ZFAT: variants seen among roughly 807,000 people sequenced by gnomAD.
ZFAT encodes the protein zinc finger protein ZFAT.
A neutral mutation model predicts 117.7 loss-of-function variants in ZFAT; 64 were observed. The ratio of observed to expected loss-of-function variants is 0.54; its 90% CI spans 0.44 to 0.67. ZFAT has a LOEUF of 0.67. Ranked by LOEUF, ZFAT falls within the 30% of genes least tolerant of loss-of-function variation. The pLI is 0.00. For synonymous variants in ZFAT, 679 were observed against 615.0 expected (o/e 1.10, Z -1.54); for missense variants, 1,433 against 1,584.5 (o/e 0.90, Z 1.62).
chr8:134,580,077 G>A (rs928256202), intron 10 of ZFAT, among the ~76,000 whole-genome samples: 4 of 152,000 alleles, frequency 2.6e-5, no homozygotes, highest in Non-Finnish European at 4.4e-5. Context: ...GAGAGCAGGA[G>A]GCCGCCAGGC....
At chr8:134,566,811 G>A (rs1348334538) in intron 10 of ZFAT, among the ~76,000 whole-genome samples, 1 of 152,170 alleles carries the variant, frequency 6.6e-6, no homozygotes, top group Non-Finnish European at 1.5e-5. Context: ...CTGGATGACT[G>A]TACTGCATGT....
chr8:134,664,080 A>T (rs1333786711), intron 1 of ZFAT, among the ~76,000 whole-genome samples: 2 of 152,124 alleles, frequency 1.3e-5, no homozygotes, highest in African/African-American at 2.4e-5. Flanking sequence ...CCTGCACAGG[A>T]GGTCATGGAA....
chr8:134,638,560 C>CAAAAAAAAAAAAAAA (rs1563711719), intron 2 of ZFAT, among the ~76,000 whole-genome samples: 6 of 63,012 alleles, frequency 9.5e-5, no homozygotes, highest in African/African-American at 3.8e-4. Flanking sequence ...AAAAAAAAAA[C>CAAAAAAAAAAAAAAA]AAAACAAAAA....
At chr8:134,806,261 T>C in the ZFAT span, among the ~76,000 whole-genome samples, 4 of 152,196 alleles carry the variant, frequency 2.6e-5, no homozygotes, top group East Asian at 7.7e-4. Flanking sequence ...ATTTACCCTG[T>C]GATAATATTT....
intron 1 of ZFAT, among the ~76,000 whole-genome samples, chr8:134,712,506 G>A (rs577275313): frequency 6.6e-6 from 1 of 152,234 alleles, no homozygotes; most frequent in South Asian, 2.1e-4. Context: ...TCAAAGAGCT[G>A]GCATCGCCGG....
chr8:134,760,293 CAAA>C, the ZFAT span, among the ~76,000 whole-genome samples: 842 of 123,824 alleles, frequency 6.8e-3, 4 homozygotes, highest in Non-Finnish European at 0.012. Context: ...AAAAAACAAA[CAAA>C]AAACAAACAA....
chr8:134,789,142 TA>T, the ZFAT span, among the ~76,000 whole-genome samples: 2 of 152,204 alleles, frequency 1.3e-5, no homozygotes, highest in African/African-American at 4.8e-5. Flanking sequence ...TTGTCTCCAT[TA>T]AATTGTTAGG....
At chr8:134,745,873 T>A in the ZFAT span, among the ~76,000 whole-genome samples, 20 of 152,208 alleles carry the variant, frequency 1.3e-4, no homozygotes, top group African/African-American at 4.6e-4. Flanking sequence ...ACCTGCTTAG[T>A]CACGCAGCTA....
the ZFAT span, among the ~76,000 whole-genome samples, chr8:134,823,827 TA>T: frequency 7.2e-5 from 11 of 152,200 alleles, no homozygotes; most frequent in African/African-American, 1.7e-4. Flanking sequence ...TAATATAATT[TA>T]AAAAAATATT....
At chr8:134,691,912 AG>A (rs1441480756) in intron 1 of ZFAT, among the ~76,000 whole-genome samples, 16 of 152,336 alleles carry the variant, frequency 1.1e-4, no homozygotes, top group Middle Eastern at 3.4e-3. Flanking sequence ...TGTTCACTTA[AG>A]AAACCCTGAG....
chr8:134,797,957 T>C, the ZFAT span: 1 of 151,460 alleles, frequency 6.6e-6, no homozygotes, highest in Non-Finnish European at 1.5e-5. Context: ...TTGCATAATA[T>C]GTTGCACTGA....
intron 10 of ZFAT, among the ~76,000 whole-genome samples, chr8:134,571,069 T>TGGGTGCCAGGACCATGCC (rs1341022326): frequency 3.3e-5 from 5 of 152,234 alleles, no homozygotes; most frequent in African/African-American, 9.6e-5. Flanking sequence ...GAGGGGCTGC[T>TGGGTGCCAGGACCATGCC]GGGTGCCAGG....
chr8:134,766,509 A>G, the ZFAT span: 1 of 152,132 alleles, frequency 6.6e-6, no homozygotes, highest in Non-Finnish European at 1.5e-5. Context: ...TCTGCTTCCA[A>G]ACCTGTCTGC....
At chr8:134,811,149 A>G in the ZFAT span, among the ~76,000 whole-genome samples, 1 of 152,250 alleles carries the variant, frequency 6.6e-6, no homozygotes, top group African/African-American at 2.4e-5. Flanking sequence ...GAATGAGTAT[A>G]AAATTATTAA....
At chr8:134,517,968 T>TGGTA (rs1446917651) in intron 13 of ZFAT, among the ~76,000 whole-genome samples, 1 of 152,146 alleles carries the variant, frequency 6.6e-6, no homozygotes, top group Non-Finnish European at 1.5e-5. Context: ...TTGGTGAAGG[T>TGGTA]GGTACCTCCA....
At chr8:134,751,815 T>C in the ZFAT span, among the ~76,000 whole-genome samples, 3 of 152,122 alleles carry the variant, frequency 2.0e-5, no homozygotes, top group African/African-American at 7.2e-5. Flanking sequence ...TAGCATGAGT[T>C]TGGTCACATT....
chr8:134,605,656 A>C (rs1827832837), intron 5 of ZFAT, among the ~76,000 whole-genome samples: 1 of 152,240 alleles, frequency 6.6e-6, no homozygotes, highest in African/African-American at 2.4e-5. Flanking sequence ...AAAGAATACA[A>C]AATTCAGATG....
the ZFAT span, among the ~76,000 whole-genome samples, chr8:134,718,916 G>A: frequency 6.6e-6 from 1 of 152,338 alleles, no homozygotes; most frequent in South Asian, 2.1e-4. Flanking sequence ...AATATGACGT[G>A]GCAGTTTGAA....
At chr8:134,818,338 A>G in the ZFAT span, among the ~76,000 whole-genome samples, 2 of 152,226 alleles carry the variant, frequency 1.3e-5, no homozygotes, top group African/African-American at 2.4e-5. Context: ...GCTTCCCAAA[A>G]GAGAAAGGGA....
Sources: allele counts gnomAD v4.1 joint callset (sites outside exome capture counted in the v4.1 genomes callset), GRCh38; gene constraint gnomAD v4.1.1; transcripts MANE v1.5; gene names NCBI Gene and HGNC (gene_info 2026-07-23, HGNC 2026-07-21).